The following ANKS1B variants were observed in gnomAD, a reference collection of about 807,000 sequenced individuals.
ANKS1B encodes ankyrin repeat and sterile alpha motif domain-containing protein 1B.
In ANKS1B, 36 loss-of-function variants were observed where a neutral mutation model predicts 148.3. The ratio of observed to expected loss-of-function variants is 0.24; its 90% CI spans 0.19 to 0.32. The LOEUF is 0.32. Ranked by LOEUF, ANKS1B falls within the 10% of genes least tolerant of loss-of-function variation. The pLI is 1.00. For missense variants in ANKS1B, 1,157 were observed against 1,542.6 expected, an observed-to-expected ratio of 0.75 and a Z score of 4.19; for synonymous variants, 542 against 560.8, an observed-to-expected ratio of 0.97 and a Z score of 0.47.
chr12:99,808,345 G>A (rs1183711616), intron 3 of ANKS1B, among the ~76,000 whole-genome samples: 1 of 152,058 alleles, frequency 6.6e-6, no homozygotes, highest in African/African-American at 2.4e-5. Context: ...AAGGAGTAGA[G>A]TGACAAGGGG....
intron 1 of ANKS1B, among the ~76,000 whole-genome samples, chr12:99,946,986 T>G (rs190588214): frequency 1.3e-5 from 2 of 152,254 alleles, no homozygotes; most frequent in Admixed American, 1.3e-4. Flanking sequence ...GAAGCACTAC[T>G]GGGGCAGTAG....
At chr12:99,019,315 T>C (rs2099944384) in intron 17 of ANKS1B, among the ~76,000 whole-genome samples, 1 of 152,176 alleles carries the variant, frequency 6.6e-6, no homozygotes, top group East Asian at 1.9e-4. Context: ...AAATTGGTAA[T>C]TGGTAATTTA....
intron 14 of ANKS1B, among the ~76,000 whole-genome samples, chr12:99,203,077 C>A (rs1024461399): frequency 6.6e-6 from 1 of 152,220 alleles, no homozygotes; most frequent in Non-Finnish European, 1.5e-5. Context: ...GGTGAGGAAA[C>A]CACACAGGAA....
intron 10 of ANKS1B, among the ~76,000 whole-genome samples, chr12:99,446,710 T>C (rs2095643702): frequency 6.6e-6 from 1 of 151,980 alleles, no homozygotes; most frequent in Non-Finnish European, 1.5e-5. Flanking sequence ...CACACTCTAC[T>C]TCAAAATATA....
At chr12:99,337,296 C>A (rs2089094961) in intron 12 of ANKS1B, among the ~76,000 whole-genome samples, 1 of 151,878 alleles carries the variant, frequency 6.6e-6, no homozygotes, top group Admixed American at 6.6e-5. Context: ...CTAATGCATT[C>A]TTTGGTATGT....
At chr12:99,525,971 A>G (rs1251008511) in intron 9 of ANKS1B, among the ~76,000 whole-genome samples, 1 of 152,116 alleles carries the variant, frequency 6.6e-6, no homozygotes, top group East Asian at 1.9e-4. Flanking sequence ...TAATAAATTG[A>G]GATGAAAGAG....
chr12:99,189,551 C>T (rs1290516418), intron 14 of ANKS1B, among the ~76,000 whole-genome samples: 5 of 152,176 alleles, frequency 3.3e-5, no homozygotes, highest in Non-Finnish European at 7.4e-5. Context: ...ATATACAAAT[C>T]AATAAACATT....
At chr12:99,170,666 A>ATGC (rs1463789518) in intron 14 of ANKS1B, among the ~76,000 whole-genome samples, 2 of 152,110 alleles carry the variant, frequency 1.3e-5, no homozygotes, top group African/African-American at 4.8e-5. Context: ...AACAGACAAA[A>ATGC]ATGCATGGGG....
At chr12:99,891,288 T>C (rs1478019636) in intron 1 of ANKS1B, among the ~76,000 whole-genome samples, 2 of 152,194 alleles carry the variant, frequency 1.3e-5, no homozygotes, top group Non-Finnish European at 2.9e-5. Flanking sequence ...TTATTATTGC[T>C]AACTTTTTAA....
intron 1 of ANKS1B, among the ~76,000 whole-genome samples, chr12:99,925,736 A>G (rs999630556): frequency 1.3e-5 from 2 of 152,252 alleles, no homozygotes; most frequent in African/African-American, 4.8e-5. Flanking sequence ...AACTAGTTTT[A>G]CTTATTAAAT....
chr12:99,374,286 G>A (rs2093290106), intron 12 of ANKS1B, among the ~76,000 whole-genome samples: 1 of 152,148 alleles, frequency 6.6e-6, no homozygotes, highest in Admixed American at 6.5e-5. Context: ...TTCCCAGTTA[G>A]AGCCACTGTC....
intron 12 of ANKS1B, among the ~76,000 whole-genome samples, chr12:99,380,091 T>C (rs2093574121): frequency 6.6e-6 from 1 of 152,236 alleles, no homozygotes; most frequent in South Asian, 2.1e-4. Context: ...TTGTCTGATT[T>C]AGTTGAACCA....
intron 1 of ANKS1B, among the ~76,000 whole-genome samples, chr12:99,896,574 A>T (rs1436869591): frequency 2.6e-5 from 4 of 151,162 alleles, no homozygotes; most frequent in African/African-American, 9.7e-5. Context: ...TTAAATATAT[A>T]AAGAGCCATC....
chr12:99,974,956 G>C (rs1566120567), intron 1 of ANKS1B, among the ~76,000 whole-genome samples: 1 of 152,094 alleles, frequency 6.6e-6, no homozygotes, highest in Non-Finnish European at 1.5e-5. Flanking sequence ...TATGGCAGGA[G>C]TTTGAGGAAC....
chr12:99,183,780 T>G (rs1218897886), intron 14 of ANKS1B, among the ~76,000 whole-genome samples: 3 of 152,206 alleles, frequency 2.0e-5, no homozygotes, highest in African/African-American at 7.2e-5. Context: ...GAATCTCCAA[T>G]AAGGGTTATA....
chr12:99,364,845 A>C (rs919930216), intron 12 of ANKS1B, among the ~76,000 whole-genome samples: 2 of 152,168 alleles, frequency 1.3e-5, no homozygotes, highest in Non-Finnish European at 2.9e-5. Flanking sequence ...ACCTTCCACA[A>C]ACTGCCACCA....
rs1246224016 is a variant in ANKS1B at position 99,399,656 on chromosome 12, G to A, written c.1731C>T (p.Val577=). Residue 577 remains valine, a synonymous_variant, in exon 12 of 27, where the codon GTC becomes GTT. Coordinates refer to ENST00000683438, the MANE Select transcript of ANKS1B (RefSeq NM_001352186.2). ...CTGTATGGTTAGTTCCCTCATTCTT[G>A]ACTTCTGTGGTTCCCACAGAAGAGG... is the stretch of plus-strand genomic sequence containing the variant. ...PPTSSVGTTE[V]KNEGTNHTDD... The A allele has an allele frequency of 6.2e-7, 1 of 1,613,262 alleles. No individual in the cohort carries two copies. Among genetic ancestry groups the A allele is most frequent in the East Asian group, 2.2e-5 (1 of 44,872 alleles).
rs560880128 is a variant in ANKS1B, at chr12:99,518,312, T to C, written c.1273-13671A>G. Among the ~76,000 whole-genome samples the C allele has an allele frequency of 8.5e-4, 130 of 152,260 alleles. 1 individual carries two copies. The highest frequency in any genetic ancestry group is 3.0e-3 in the African/African-American group (124 of 41,570). On this transcript the variant is annotated intron_variant, in intron 9 of 26. Transcript: ENST00000683438. The stretch of plus-strand genomic sequence containing the variant: ...TAGTATTAGTTCTTTAAATGTTTGG[T>C]AGAATTCAGCAGTGAAGCCATCAGG...
At chr12:99,735,807 CA>C (rs376398944) in intron 8 of ANKS1B, among the ~76,000 whole-genome samples, 189 of 108,928 alleles carry the variant, frequency 1.7e-3, no homozygotes, top group Middle Eastern at 5.0e-3. Context: ...GGACATATAC[CA>C]AAAAAAAAAA....
Sources: gnomAD v4.1 joint callset for allele counts (sites outside exome capture counted in the v4.1 genomes callset) on GRCh38, gnomAD v4.1.1 for gene constraint, MANE v1.5 for transcripts, NCBI Gene and HGNC (gene_info 2026-07-23, HGNC 2026-07-21) for gene names.